Variants in NTRK3 observed in about 807,000 individuals in gnomAD.
The protein encoded by NTRK3 is NT-3 growth factor receptor.
A neutral mutation model predicts 91.7 loss-of-function variants in NTRK3; 24 were observed. That is an observed-to-expected ratio of 0.26 (90% confidence interval 0.19 to 0.37). The LOEUF (loss-of-function observed/expected upper bound fraction) is 0.37. Ranked by LOEUF, NTRK3 falls within the 10% of genes least tolerant of loss-of-function variation. NTRK3 has a pLI of 1.00. For synonymous variants in NTRK3, 483 were observed against 404.0 expected, an observed-to-expected ratio of 1.20 and a Z score of -2.34; for missense variants, 880 against 1,068.9, an observed-to-expected ratio of 0.82 and a Z score of 2.46.
At chr15:88,005,904 G>C (rs1047871929) in intron 14 of NTRK3, among the ~76,000 whole-genome samples, 10 of 152,130 alleles carry the variant, frequency 6.6e-5, no homozygotes, top group African/African-American at 2.2e-4. Context: ...TAAATCCAAG[G>C]ATAACCAGAG....
chr15:88,028,145 G>A (rs887325830), intron 14 of NTRK3, among the ~76,000 whole-genome samples: 2 of 144,420 alleles, frequency 1.4e-5, no homozygotes, highest in African/African-American at 5.0e-5. Context: ...GCAGAAAGCT[G>A]AAGAAGAGAG....
Position 87,971,297 on chromosome 15 carries a change from C to T in NTRK3, c.1586-30544G>A, listed in dbSNP as rs190499872. 2.8e-4 allele frequency among the ~76,000 whole-genome samples: 43 copies of T among 152,222 alleles called. 1 individual carries two copies. The East Asian group carries it at 6.2e-3, about 22-fold the overall frequency. On this transcript the variant is annotated intron_variant, in intron 14 of 18. Coordinates refer to ENST00000394480, the Ensembl canonical transcript of NTRK3. ...GGCCTCAGTGAGGAGCTATGGTCGC[C>T]GGTTGGGGGCAACCAGAGAGCATCA...
chr15:88,135,869 C>T (rs780568951), intron 9 of NTRK3, 30 bp downstream of exon 9: 4 of 1,613,224 alleles, frequency 2.5e-6, no homozygotes, highest in Non-Finnish European at 3.4e-6. Flanking sequence ...CCCTCACACA[C>T]AGCCATCCCC....
At chr15:87,986,845 T>C (rs1430944733) in intron 14 of NTRK3, among the ~76,000 whole-genome samples, 3 of 152,242 alleles carry the variant, frequency 2.0e-5, no homozygotes, top group Admixed American at 6.5e-5. Flanking sequence ...TTGCAAACCA[T>C]GCAGTCTCTG....
intron 13 of NTRK3, among the ~76,000 whole-genome samples, chr15:88,106,143 C>A (rs942264014): frequency 6.6e-6 from 1 of 152,236 alleles, no homozygotes; most frequent in Non-Finnish European, 1.5e-5. Flanking sequence ...AAAGCTGTGT[C>A]CCTCAGGCCT....
intron 14 of NTRK3, among the ~76,000 whole-genome samples, chr15:87,973,985 C>A (rs1293341052): frequency 1.3e-5 from 2 of 152,196 alleles, no homozygotes; most frequent in Non-Finnish European, 2.9e-5. Flanking sequence ...TGGCTCCGTG[C>A]AGAAAGCTAC....
At chr15:87,969,029 C>A (rs1219768690) in intron 14 of NTRK3, among the ~76,000 whole-genome samples, 1 of 152,118 alleles carries the variant, frequency 6.6e-6, no homozygotes, top group African/African-American at 2.4e-5. Flanking sequence ...GCTATCCCCC[C>A]ACCCCCTGCC....
chr15:88,143,321 C>T (rs1196474360), intron 6 of NTRK3, among the ~76,000 whole-genome samples: 1 of 152,224 alleles, frequency 6.6e-6, no homozygotes, highest in East Asian at 1.9e-4. Context: ...TGAAGTGATG[C>T]TGCCACAAGC....
chr15:87,985,238 A>G (rs2074651808), intron 14 of NTRK3, among the ~76,000 whole-genome samples: 1 of 152,200 alleles, frequency 6.6e-6, no homozygotes. Context: ...ATAATGCTGG[A>G]AAAAGCTACT....
At chr15:87,954,750 C>T (rs928968362) in intron 14 of NTRK3, among the ~76,000 whole-genome samples, 1 of 152,208 alleles carries the variant, frequency 6.6e-6, no homozygotes, top group African/African-American at 2.4e-5. Context: ...AAAACCATGT[C>T]ATCTTTTCAC....
chr15:88,152,608 G>A (rs1329317534), intron 5 of NTRK3, among the ~76,000 whole-genome samples: 3 of 152,248 alleles, frequency 2.0e-5, no homozygotes, highest in Non-Finnish European at 4.4e-5. Flanking sequence ...ATAAATTTAT[G>A]TTGTTTAACC....
At chr15:87,991,071 C>T (rs1167221842) in intron 14 of NTRK3, among the ~76,000 whole-genome samples, 1 of 152,138 alleles carries the variant, frequency 6.6e-6, no homozygotes, top group East Asian at 1.9e-4. Context: ...ATCATTTTAC[C>T]TTGTTCATTC....
chr15:88,136,375 T>G, intron 8 of NTRK3, 92 bp downstream of exon 8: 2 of 1,533,324 alleles, frequency 1.3e-6, no homozygotes, highest in South Asian at 2.3e-5. Flanking sequence ...TTTTTTCCTA[T>G]AGTAACAAGA....
At chr15:88,118,052 CG>C (rs1567450048) in intron 13 of NTRK3, among the ~76,000 whole-genome samples, 1 of 152,178 alleles carries the variant, frequency 6.6e-6, no homozygotes, top group African/African-American at 2.4e-5. Flanking sequence ...GAGCTGGGGC[CG>C]GGGATTTGCA....
At chr15:88,151,767 C>T (rs1165563944) in intron 5 of NTRK3, among the ~76,000 whole-genome samples, 1 of 152,130 alleles carries the variant, frequency 6.6e-6, no homozygotes, top group African/African-American at 2.4e-5. Context: ...TTTGGAAGCA[C>T]CTCCTCTTCT....
chr15:88,041,966 T>C (rs922056951), intron 13 of NTRK3, among the ~76,000 whole-genome samples: 1 of 152,054 alleles, frequency 6.6e-6, no homozygotes, highest in Non-Finnish European at 1.5e-5. Context: ...CATGACCACT[T>C]AGATCTGACT....
In NTRK3 at chr15:87,933,201, A is replaced by G; in HGVS notation, c.1717-17T>C. ...CTTCAGGGCCTAGGAACAATGCAGG[A>G]CACAGGTGTTTAACAACTACAGGGC... is the stretch of plus-strand genomic sequence containing the variant. On this transcript the variant is annotated splice_polypyrimidine_tract_variant and intron_variant, in intron 15 of 18. Coordinates refer to ENST00000394480, the Ensembl canonical transcript of NTRK3. 1 of 1,613,970 alleles carries G rather than the reference A, an allele frequency of 6.2e-7. No homozygotes were observed. Among genetic ancestry groups the G allele is most frequent in the Non-Finnish European group, 8.5e-7 (1 of 1,179,866 alleles).
intron 14 of NTRK3, among the ~76,000 whole-genome samples, chr15:87,949,113 C>T (rs909960453): frequency 2.6e-5 from 4 of 152,056 alleles, no homozygotes; most frequent in African/African-American, 9.7e-5. Flanking sequence ...TGAAGCACTG[C>T]TAGAGACTTT....
intron 13 of NTRK3, among the ~76,000 whole-genome samples, chr15:88,043,431 A>G (rs1441149579): frequency 2.6e-5 from 4 of 152,210 alleles, no homozygotes; most frequent in Non-Finnish European, 1.5e-5. Flanking sequence ...TATTTTCCCT[A>G]AAGATTTATC....
Sources: gnomAD v4.1 joint callset for allele counts (sites outside exome capture counted in the v4.1 genomes callset) on GRCh38, gnomAD v4.1.1 for gene constraint, MANE v1.5 for transcripts, NCBI Gene and HGNC (gene_info 2026-07-23, HGNC 2026-07-21) for gene names.